THADA: variants seen among roughly 807,000 people sequenced by gnomAD.
THADA encodes the protein tRNA (32-2'-O)-methyltransferase regulator THADA.
In THADA, 213 loss-of-function variants were observed where a neutral mutation model predicts 219.8. The observed-to-expected ratio is 0.97, with a 90% CI of 0.87 to 1.09. THADA has a LOEUF of 1.09. THADA is among the 50% of genes least tolerant of loss of function. The pLI is 0.00. For missense variants in THADA, 2,956 were observed against 2,311.3 expected, an observed-to-expected ratio of 1.28 and a Z score of -5.72; for synonymous variants, 1,018 against 828.9, an observed-to-expected ratio of 1.23 and a Z score of -3.92.
intron 16 of THADA, 92 bp from the exon 17 acceptor site, chr2:43,556,647 A>C: frequency 8.1e-7 from 1 of 1,227,672 alleles, no homozygotes; most frequent in Non-Finnish European, 1.1e-6. Flanking sequence ...CCTGGAGCTG[A>C]GTACAGTGGG....
At chr2:43,415,905 T>G (rs1676900991) in intron 28 of THADA, among the ~76,000 whole-genome samples, 1 of 152,134 alleles carries the variant, frequency 6.6e-6, no homozygotes, top group Non-Finnish European at 1.5e-5. Flanking sequence ...AAGCTTTTCT[T>G]AAGTCCAGTT....
At chr2:43,336,036 G>A (rs1666383796) in intron 30 of THADA, among the ~76,000 whole-genome samples, 2 of 151,678 alleles carry the variant, frequency 1.3e-5, no homozygotes, top group Admixed American at 6.6e-5. Context: ...GGTGGAGCTT[G>A]CAGTGAGCTG....
chr2:43,391,664 T>C (rs1265328802), intron 29 of THADA: 1 of 152,064 alleles, frequency 6.6e-6, no homozygotes, highest in South Asian at 2.1e-4. Context: ...ACATAGAAAG[T>C]AATCTTTCTT....
chr2:43,294,570 A>G (rs1675136570), intron 31 of THADA, among the ~76,000 whole-genome samples: 1 of 152,212 alleles, frequency 6.6e-6, no homozygotes, highest in Admixed American at 6.5e-5. Flanking sequence ...AAAGCCTCCT[A>G]GACAATGTGA....
At position 43,592,017 on chromosome 2, in the gene THADA, C is replaced by A. The variant is rs1287909838; in HGVS notation, c.106G>T (p.Ala36Ser). 6 of 1,561,966 alleles carry A rather than the reference C, an allele frequency of 3.8e-6. No homozygotes were observed. The highest frequency in any genetic ancestry group is 5.2e-6 in the Non-Finnish European group (6 of 1,151,942). Reference sequence around the variant, plus strand: ...TGCACACAATGTAACAGCAAAGAAGCTAGATTTTTCCCTTCCACATCAGCA... The same window carrying A: ...TGCACACAATGTAACAGCAAAGAAGATAGATTTTTCCCTTCCACATCAGCA... ...SFADVEGKNL[A>S]SLLLHCVQLT... Residue 36 changes from alanine to serine, a missense_variant, in exon 3 of 38, where the codon GCT (alanine) becomes TCT (serine). Transcript: ENST00000405975.
intron 31 of THADA, among the ~76,000 whole-genome samples, chr2:43,319,630 T>C (rs943741834): frequency 7.9e-5 from 12 of 152,162 alleles, no homozygotes; most frequent in South Asian, 6.2e-4. Flanking sequence ...CAACAAATCA[T>C]TGACAGACTA....
At chr2:43,417,797 C>T (rs763316146) in intron 28 of THADA, among the ~76,000 whole-genome samples, 2 of 152,136 alleles carry the variant, frequency 1.3e-5, no homozygotes, top group African/African-American at 4.8e-5. Context: ...TTCAAATTCA[C>T]GCCTTATCAC....
intron 25 of THADA, among the ~76,000 whole-genome samples, chr2:43,490,671 A>T (rs1197989768): frequency 2.6e-5 from 4 of 152,178 alleles, no homozygotes; most frequent in Non-Finnish European, 5.9e-5. Flanking sequence ...CCTGTGGTAT[A>T]GTACACTAAC....
chr2:43,341,937 A>C (rs964547179), intron 30 of THADA, among the ~76,000 whole-genome samples: 1 of 152,184 alleles, frequency 6.6e-6, no homozygotes, highest in Non-Finnish European at 1.5e-5. Context: ...AGTTGGGTGC[A>C]GTGGCTCACA....
chr2:43,446,870 T>A (rs992345934), intron 26 of THADA, among the ~76,000 whole-genome samples: 12 of 152,156 alleles, frequency 7.9e-5, no homozygotes. Context: ...ATCAAGGGTA[T>A]CAAAATCAAA....
intron 26 of THADA, among the ~76,000 whole-genome samples, chr2:43,444,472 T>G (rs537578755): frequency 6.6e-6 from 1 of 152,222 alleles, no homozygotes; most frequent in Admixed American, 6.5e-5. Context: ...ATCTTGGTAA[T>G]GCCAAGGGTC....
At chr2:43,242,096 A>C (rs571398993) in intron 36 of THADA, among the ~76,000 whole-genome samples, 68 of 152,294 alleles carry the variant, frequency 4.5e-4, no homozygotes, top group African/African-American at 1.6e-3. Flanking sequence ...TTCTCAGCCC[A>C]CTGGGGACTT....
intron 28 of THADA, among the ~76,000 whole-genome samples, chr2:43,407,477 A>C (rs1379137571): frequency 1.3e-5 from 2 of 152,204 alleles, no homozygotes; most frequent in African/African-American, 4.8e-5. Flanking sequence ...ATTCTAGTCC[A>C]AGGTTGACTG....
At chr2:43,311,574 T>C (rs1461830089) in intron 31 of THADA, among the ~76,000 whole-genome samples, 1 of 152,218 alleles carries the variant, frequency 6.6e-6, no homozygotes. Context: ...TGAATGCTCA[T>C]AGCAGCATTA....
intron 8 of THADA, among the ~76,000 whole-genome samples, chr2:43,581,273 T>C (rs1372805051): frequency 6.6e-6 from 1 of 152,094 alleles, no homozygotes; most frequent in Admixed American, 6.5e-5. Context: ...CTCACACCTG[T>C]AATCCCAGCA....
intron 29 of THADA, among the ~76,000 whole-genome samples, chr2:43,364,498 G>A (rs1485700145): frequency 6.6e-6 from 1 of 152,162 alleles, no homozygotes; most frequent in East Asian, 1.9e-4. Flanking sequence ...CACACCACCA[G>A]TAGTGACAAC....
In THADA at chr2:43,556,560, A is replaced by T. The variant is rs773220926; in HGVS notation, c.2464-5T>A. 1 of 1,612,798 alleles carries T rather than the reference A, an allele frequency of 6.2e-7. No homozygotes were observed. The highest frequency in any genetic ancestry group is 1.7e-5 in the Admixed American group (1 of 59,826). On this transcript the variant is annotated splice_polypyrimidine_tract_variant and splice_region_variant and intron_variant, in intron 16 of 37. Transcript: ENST00000405975. ...GCCTTGCAGTTTCCCCGAATCCTAGAATAAAGCGCAGACTCAGTAACTGTC... is the reference window on the plus strand; with the variant it reads ...GCCTTGCAGTTTCCCCGAATCCTAGTATAAAGCGCAGACTCAGTAACTGTC...
chr2:43,322,666 A>G (rs1212674444), intron 30 of THADA, among the ~76,000 whole-genome samples: 1 of 126,612 alleles, frequency 7.9e-6, no homozygotes, highest in Non-Finnish European at 1.6e-5. Context: ...TTCCAAGCAC[A>G]TTCTATTCTT....
chr2:43,575,713 T>A (rs112642079), intron 10 of THADA, among the ~76,000 whole-genome samples: 49 of 152,204 alleles, frequency 3.2e-4, no homozygotes, highest in African/African-American at 1.2e-3. Context: ...ATTTTTTGTA[T>A]TTTTAGTAGA....
Sources: allele counts gnomAD v4.1 joint callset (sites outside exome capture counted in the v4.1 genomes callset), GRCh38; gene constraint gnomAD v4.1.1; transcripts MANE v1.5; gene names NCBI Gene and HGNC (gene_info 2026-07-23, HGNC 2026-07-21).